TRIP4: variants seen among roughly 807,000 people sequenced by gnomAD.
The protein encoded by TRIP4 is activating signal cointegrator 1.
In TRIP4, 54 loss-of-function variants were observed where a neutral mutation model predicts 81.8. That is an observed-to-expected ratio of 0.66 (90% CI 0.53 to 0.83). TRIP4 has a LOEUF of 0.83. TRIP4 is among the 40% of genes least tolerant of loss of function. The pLI, the probability that TRIP4 is intolerant of heterozygous loss-of-function variation, is 0.00. For missense variants in TRIP4, 662 were observed against 683.6 expected (o/e 0.97, Z 0.35); for synonymous variants, 270 against 242.8 (o/e 1.11, Z -1.04).
At position 64,395,558 on chromosome 15, in the gene TRIP4, T is replaced by C. The variant is rs778127362; in HGVS notation, c.405+27T>C. ...TGAGTGCTTATAGATTGAAGCTTTT[T>C]CTGACTATTGGAGAAGAGGAAGTGA... On this transcript the variant is annotated intron_variant, in intron 3 of 12. Transcript: ENST00000261884. 3.1e-5 allele frequency: 50 copies of C among 1,591,012 alleles called. 4 individuals carry two copies. In the South Asian group the frequency reaches 5.7e-4, roughly 18 times the overall value.
At chr15:64,450,765 A>G (rs1892741008) in intron 12 of TRIP4, 2 of 455,918 alleles carry the variant, frequency 4.4e-6, no homozygotes, top group Non-Finnish European at 4.4e-6. Flanking sequence ...CATTTTAGAC[A>G]TCATCATTGA....
chr15:64,454,681 C>A (rs1014953659), intron 12 of TRIP4, among the ~76,000 whole-genome samples: 12 of 152,134 alleles, frequency 7.9e-5, no homozygotes, highest in Admixed American at 2.0e-4. Context: ...TGTGTATATT[C>A]TTAAAAATTT....
chr15:64,449,996 A>G (rs1596366441), intron 12 of TRIP4, among the ~76,000 whole-genome samples: 1 of 152,328 alleles, frequency 6.6e-6, no homozygotes, highest in South Asian at 2.1e-4. Flanking sequence ...ATTAGGTACT[A>G]AATGTAAAAA....
intron 7 of TRIP4, among the ~76,000 whole-genome samples, chr15:64,413,084 CAAG>C (rs1359671038): frequency 6.6e-6 from 1 of 151,876 alleles, no homozygotes; most frequent in Non-Finnish European, 1.5e-5. Context: ...TGCAGACTAG[CAAG>C]AAGGAGTGGA....
intron 4 of TRIP4, among the ~76,000 whole-genome samples, chr15:64,399,883 G>A (rs2140285150): frequency 6.6e-6 from 1 of 151,598 alleles, no homozygotes; most frequent in Non-Finnish European, 1.5e-5. Flanking sequence ...GCTGAGTTGG[G>A]AGGATGACTT....
At chr15:64,393,603 TTC>T (rs1294352991) in intron 1 of TRIP4, 1 of 160,100 alleles carries the variant, frequency 6.2e-6, no homozygotes, top group African/African-American at 2.4e-5. Flanking sequence ...TAAGCACTGT[TTC>T]TTTCTCTTTT....
In TRIP4 at chr15:64,418,559, G is replaced by A; in HGVS notation, c.1189G>A (p.Ala397Thr). 1 of 1,612,590 alleles carries A rather than the reference G, an allele frequency of 6.2e-7. No individual in the cohort carries two copies. ...SPPQWVDHTG[A>T]ASQKKAFRSS... ...TGTGTAGTGGGTTGACCACACAGGT[G>A]CAGCCTCACAGAAGAAGGCTTTCCG... The change falls in exon 9 of 13, where the codon GCA (alanine) becomes ACA (threonine). Residue 397 changes from alanine to threonine, a missense_variant. Coordinates refer to ENST00000261884, the MANE Select transcript of TRIP4 (RefSeq NM_016213.5).
chr15:64,394,035 T>C lies in TRIP4; in HGVS notation c.191T>C (p.Ile64Thr). Residue 64 changes from isoleucine (I) to threonine (T), a missense_variant, in exon 2 of 13, where the codon ATA (isoleucine) becomes ACA (threonine). Coordinates refer to ENST00000261884, the MANE Select transcript of TRIP4 (RefSeq NM_016213.5). ...AATGAAGGCAAAAAAGGTCAATTCA[T>C]AGAAGAACTTATAACCAAATGGCAA... is the stretch of plus-strand genomic sequence containing the variant. ...QGNEGKKGQF[I>T]EELITKWQKN... is the part of the protein sequence containing the mutation. 4.3e-6 allele frequency: 7 copies of C among 1,612,596 alleles called. No individual in the cohort carries two copies. The highest frequency in any genetic ancestry group is 5.9e-6 in the Non-Finnish European group (7 of 1,179,302).
chr15:64,440,648 A>G (rs1892496881), intron 11 of TRIP4, among the ~76,000 whole-genome samples: 1 of 152,074 alleles, frequency 6.6e-6, no homozygotes, highest in South Asian at 2.1e-4. Flanking sequence ...AGGGATATTC[A>G]CCTGGAACTT....
At chr15:64,448,604 C>T (rs1892685365) in intron 12 of TRIP4, among the ~76,000 whole-genome samples, 1 of 152,110 alleles carries the variant, frequency 6.6e-6, no homozygotes, top group Admixed American at 6.6e-5. Context: ...GCTGGGACCA[C>T]AGGCACGCGC....
intron 12 of TRIP4, among the ~76,000 whole-genome samples, chr15:64,448,370 G>A (rs1001150178): frequency 1.3e-5 from 2 of 152,144 alleles, no homozygotes; most frequent in African/African-American, 2.4e-5. Context: ...GACATTCTTA[G>A]GAGAAACCTT....
chr15:64,448,232 G>A (rs188208744), intron 12 of TRIP4, among the ~76,000 whole-genome samples: 3 of 152,176 alleles, frequency 2.0e-5, no homozygotes, highest in African/African-American at 7.2e-5. Flanking sequence ...CTAAAGTCCT[G>A]TGAGAAAATG....
chr15:64,402,633 C>T (rs1363350782), intron 5 of TRIP4, among the ~76,000 whole-genome samples: 5 of 151,558 alleles, frequency 3.3e-5, no homozygotes, highest in Non-Finnish European at 5.9e-5. Context: ...AAGTGATTCT[C>T]CTGCTTCAGC....
chr15:64,447,090 C>G (rs369392824), intron 12 of TRIP4, among the ~76,000 whole-genome samples: 1 of 151,924 alleles, frequency 6.6e-6, no homozygotes, highest in East Asian at 1.9e-4. Flanking sequence ...GGCAACAGAG[C>G]GAGACTCCGT....
intron 11 of TRIP4, among the ~76,000 whole-genome samples, chr15:64,427,739 G>A (rs1355625911): frequency 6.6e-6 from 1 of 152,104 alleles, no homozygotes; most frequent in Non-Finnish European, 1.5e-5. Flanking sequence ...TTCCTTGTGA[G>A]TTACCTCCTC....
intron 9 of TRIP4, among the ~76,000 whole-genome samples, chr15:64,419,884 C>T (rs771517675): frequency 2.0e-5 from 3 of 151,844 alleles, no homozygotes; most frequent in Admixed American, 6.6e-5. Flanking sequence ...GGCCTGATCT[C>T]GGCTCACTGC....
chr15:64,390,187 C>T (rs1024945682), intron 1 of TRIP4, among the ~76,000 whole-genome samples: 5 of 149,338 alleles, frequency 3.3e-5, no homozygotes, highest in East Asian at 1.9e-4. Context: ...GGTGGCCAGG[C>T]GCAGTGGTTC....
In TRIP4 at chr15:64,414,128, C is replaced by T. The variant is rs1891834357; in HGVS notation, c.1087C>T (p.Gln363Ter). Residue 363 changes from glutamine to a stop codon, truncating the protein, a stop_gained, in exon 8 of 13, where the codon CAG (glutamine) becomes TAG (stop). Transcript: ENST00000261884. LOFTEE classifies it high-confidence loss of function. ...IQAIANGTLNQPLTKLDRSSE... is the reference protein window; with the variant it reads ...IQAIANGTLN Reference sequence around the variant, plus strand: ...GGCCATTGCCAATGGAACCTTGAACCAGCCACTGACCAAATTGGATAGATC... The same window carrying T: ...GGCCATTGCCAATGGAACCTTGAACTAGCCACTGACCAAATTGGATAGATC... 3.1e-6 allele frequency: 5 copies of T among 1,614,106 alleles called. No individual in the cohort carries two copies. The highest frequency in any genetic ancestry group is 4.2e-6 in the Non-Finnish European group (5 of 1,180,020).
rs183960980 is a variant in TRIP4, at chr15:64,391,447, A to G, written c.102-2499A>G. ...TGGGATTACAGGTGTGAGCCACTGC[A>G]CCCGGCCTTAACTTTCTAATTAGTG... is the stretch of plus-strand genomic sequence containing the variant. On this transcript the variant is annotated intron_variant, in intron 1 of 12. Coordinates refer to ENST00000261884, the MANE Select transcript of TRIP4 (RefSeq NM_016213.5). 4.5e-4 allele frequency among the ~76,000 whole-genome samples: 68 copies of G among 151,828 alleles called. No homozygotes were observed. The East Asian group carries it at 0.013, about 29-fold the overall frequency.
Sources: gnomAD v4.1 joint callset for allele counts (sites outside exome capture counted in the v4.1 genomes callset) on GRCh38, gnomAD v4.1.1 for gene constraint, MANE v1.5 for transcripts, NCBI Gene and HGNC (gene_info 2026-07-23, HGNC 2026-07-21) for gene names.